Variants in STC1 observed in about 807,000 individuals in gnomAD.
STC1 encodes the protein stanniocalcin 1.
A neutral mutation model predicts 22.6 loss-of-function variants in STC1; 7 were observed. That is an observed-to-expected ratio of 0.31 (90% CI 0.18 to 0.58). The LOEUF (loss-of-function observed/expected upper bound fraction) is 0.58. Among genes scored for constraint, STC1 ranks in the 20% least tolerant of loss-of-function variants. The pLI is 0.89. For synonymous variants in STC1, 113 were observed against 120.7 expected, an observed-to-expected ratio of 0.94 and a Z score of 0.42; for missense variants, 224 against 311.0, an observed-to-expected ratio of 0.72 and a Z score of 2.10.
rs1338405480 is a variant in STC1 at position 23,851,337 on chromosome 8, G to A, written c.456C>T (p.Pro152=). ...GTTTGTACCTGTTGGAGAAGTGATT[G>A]GGCAGCTGGACGACCTCAGTGATGG... is the stretch of plus-strand genomic sequence containing the variant. The part of the protein sequence containing the change: ...PEAITEVVQL[P]NHFSNRYYNR... The change falls in exon 3 of 4, where the codon CCC becomes CCT. Residue 152 remains proline (P), a synonymous_variant. Coordinates refer to ENST00000290271, the MANE Select transcript of STC1 (RefSeq NM_003155.3). The A allele has an allele frequency of 1.9e-6, 3 of 1,613,974 alleles. No homozygotes were observed. The highest frequency in any genetic ancestry group is 1.3e-5 in the African/African-American group (1 of 74,886).
chr8:23,852,000 T>G (rs961415951), intron 2 of STC1, among the ~76,000 whole-genome samples: 1 of 151,784 alleles, frequency 6.6e-6, no homozygotes, highest in Non-Finnish European at 1.5e-5. Context: ...AATCATGCAT[T>G]AGAGTGAGTG....
intron 3 of STC1, among the ~76,000 whole-genome samples, chr8:23,846,984 C>G (rs923510239): frequency 6.6e-6 from 1 of 152,174 alleles, no homozygotes; most frequent in Non-Finnish European, 1.5e-5. Context: ...ATGGCTGTGT[C>G]TATTTCAGAG....
At chr8:23,846,209 C>G (rs1036317711) in intron 3 of STC1, among the ~76,000 whole-genome samples, 1 of 151,896 alleles carries the variant, frequency 6.6e-6, no homozygotes, top group Non-Finnish European at 1.5e-5. Flanking sequence ...TTAAATACCC[C>G]CAAGCAATGT....
chr8:23,851,722 G>T (rs1802640312), intron 2 of STC1, among the ~76,000 whole-genome samples, 191 bp from the exon 3 acceptor site: 1 of 150,968 alleles, frequency 6.6e-6, no homozygotes. Context: ...CATCTCCCTG[G>T]ATTCCCTTGA....
At chr8:23,846,860 T>G (rs1377410277) in intron 3 of STC1, among the ~76,000 whole-genome samples, 1 of 152,200 alleles carries the variant, frequency 6.6e-6, no homozygotes, top group African/African-American at 2.4e-5. Flanking sequence ...AAAACCAGTT[T>G]TGGAGAAACA....
chr8:23,850,806 T>A (rs1167295367), intron 3 of STC1, among the ~76,000 whole-genome samples: 4 of 151,962 alleles, frequency 2.6e-5, no homozygotes, highest in Non-Finnish European at 5.9e-5. Context: ...CCCAGGGAAG[T>A]GAGATGGCTT....
rs181146556 is a variant in STC1 at position 23,844,762 on chromosome 8, C to T, written c.*8G>A. 168 of 1,612,472 alleles carry T rather than the reference C, an allele frequency of 1.0e-4. No individual in the cohort carries two copies. The African/African-American group carries it at 1.9e-3, about 18-fold the overall frequency. On this transcript the variant is annotated 3_prime_UTR_variant, in exon 4 of 4. Coordinates refer to ENST00000290271, the MANE Select transcript of STC1 (RefSeq NM_003155.3). ...AGTTTGGTGAGGTTGTGAATAACCT[C>T]TCCCTGGTTATGCACTCTCATGGGA...
At position 23,845,043 on chromosome 8, in the gene STC1, G is replaced by T. The variant is rs1411697700; in HGVS notation, c.474-3C>A. On this transcript the variant is annotated splice_polypyrimidine_tract_variant and splice_region_variant and intron_variant, in intron 3 of 3. Transcript: ENST00000290271. ...TTCGGACAAGTCTGTTATAGTATCT[G>T]CATCAAGAAAGAGAGTGCATATGGT... The T allele has an allele frequency of 6.2e-7, 1 of 1,613,590 alleles. No individual in the cohort carries two copies.
intron 3 of STC1, 83 bp from the exon 4 acceptor site, chr8:23,845,123 C>T: frequency 2.1e-6 from 3 of 1,449,222 alleles, no homozygotes; most frequent in South Asian, 1.2e-5. Flanking sequence ...CTCTAGCCAA[C>T]ACGAGTCCCT....
Position 23,844,695 on chromosome 8 carries a change from G to A in STC1, c.*75C>T. ...CTTTAAAAAAATCAAACCAGGCACA[G>A]TACACTCAAAACTGGTGTGTCAACA... On this transcript the variant is annotated 3_prime_UTR_variant, in exon 4 of 4. Transcript: ENST00000290271. 6.5e-7 allele frequency: 1 copy of A among 1,545,222 alleles called. No homozygotes were observed. The highest frequency in any genetic ancestry group is 8.8e-7 in the Non-Finnish European group (1 of 1,134,294).
At chr8:23,846,984 C>T (rs923510239) in intron 3 of STC1, among the ~76,000 whole-genome samples, 4 of 152,174 alleles carry the variant, frequency 2.6e-5, no homozygotes, top group South Asian at 2.1e-4. Context: ...ATGGCTGTGT[C>T]TATTTCAGAG....
rs2117733720 is a variant in STC1, at chr8:23,842,490, A to G, written c.*2280T>C. On this transcript the variant is annotated 3_prime_UTR_variant, in exon 4 of 4. Coordinates refer to ENST00000290271, the MANE Select transcript of STC1 (RefSeq NM_003155.3). Reference sequence around the variant, plus strand: ...GGTTTGAAGAGGTCACAGCCAAAAAAAAAAAAAAAAAAAAAGAAAAGAAAA... The same window carrying G: ...GGTTTGAAGAGGTCACAGCCAAAAAGAAAAAAAAAAAAAAAGAAAAGAAAA... 1 of 151,248 alleles carries G rather than the reference A, an allele frequency of 6.6e-6. No homozygotes were observed. Among genetic ancestry groups the G allele is most frequent in the Admixed American group, 6.6e-5 (1 of 15,154 alleles). The allele number at this position is 151,248 out of a possible 1,614,324, so 9.4% of individuals were successfully genotyped here. A position where few individuals can be genotyped will look rare whatever the true frequency, so the allele number is the denominator to read the frequency against.
intron 3 of STC1, among the ~76,000 whole-genome samples, chr8:23,846,157 T>C (rs913189712): frequency 3.3e-5 from 5 of 152,194 alleles, no homozygotes; most frequent in Non-Finnish European, 7.3e-5. Flanking sequence ...CCAAAACCCC[T>C]TGTGTTTGGT....
intron 3 of STC1, among the ~76,000 whole-genome samples, chr8:23,845,766 T>A (rs7831701): frequency 6.6e-6 from 1 of 151,988 alleles, no homozygotes; most frequent in Non-Finnish European, 1.5e-5. Flanking sequence ...AGGCAAGAAG[T>A]CTATTTAAAT....
intron 1 of STC1, chr8:23,853,954 G>A (rs1051926539): frequency 1.1e-6 from 1 of 899,596 alleles, no homozygotes; most frequent in Non-Finnish European, 1.3e-6. Context: ...GAGCTTTTCT[G>A]TGTATTCTCT....
At chr8:23,846,028 A>C (rs1802568207) in intron 3 of STC1, among the ~76,000 whole-genome samples, 1 of 152,152 alleles carries the variant, frequency 6.6e-6, no homozygotes, top group East Asian at 1.9e-4. Context: ...TTGCCTGATC[A>C]CTGCACATTT....
At chr8:23,846,824 T>C (rs1323322759) in intron 3 of STC1, among the ~76,000 whole-genome samples, 1 of 152,152 alleles carries the variant, frequency 6.6e-6, no homozygotes, top group African/African-American at 2.4e-5. Flanking sequence ...TCAAAGGAGA[T>C]CTCCTTTGGA....
chr8:23,851,048 A>C (rs1215811315), intron 3 of STC1, among the ~76,000 whole-genome samples: 1 of 151,850 alleles, frequency 6.6e-6, no homozygotes, highest in South Asian at 2.1e-4. Context: ...AAAAATGGTC[A>C]ATGAAAGCAC....
intron 3 of STC1, among the ~76,000 whole-genome samples, chr8:23,846,888 C>A (rs893994401): frequency 6.6e-6 from 1 of 151,366 alleles, no homozygotes; most frequent in African/African-American, 2.4e-5. Flanking sequence ...AACAACTTTG[C>A]ACCAGCAGCT....
Sources: gnomAD v4.1 joint callset for allele counts (sites outside exome capture counted in the v4.1 genomes callset) on GRCh38, gnomAD v4.1.1 for gene constraint, MANE v1.5 for transcripts, NCBI Gene and HGNC (gene_info 2026-07-23, HGNC 2026-07-21) for gene names.